TERB1: variants seen among roughly 807,000 people sequenced by gnomAD.
The protein encoded by TERB1 is telomere repeat binding bouquet formation protein 1, also known as telomere repeats-binding bouquet formation protein 1.
TERB1 carries 63 observed loss-of-function variants against 92.3 expected under a neutral mutation model. That is an observed-to-expected ratio of 0.68 (90% CI 0.56 to 0.84). The LOEUF (loss-of-function observed/expected upper bound fraction) is 0.84, where lower values mean the gene tolerates loss of function less well. TERB1 is among the 40% of genes least tolerant of loss of function. TERB1 has a pLI of 0.00. For missense variants in TERB1, 709 were observed against 843.7 expected, an observed-to-expected ratio of 0.84 and a Z score of 1.98; for synonymous variants, 252 against 283.9, an observed-to-expected ratio of 0.89 and a Z score of 1.13.
intron 10 of TERB1, among the ~76,000 whole-genome samples, chr16:66,778,084 A>G (rs2018578015): frequency 6.6e-6 from 1 of 152,052 alleles, no homozygotes; most frequent in South Asian, 2.1e-4. Flanking sequence ...CTTACTCTTC[A>G]GTGTTTGCGC....
chr16:66,763,244 TA>T (rs2018282617), intron 16 of TERB1, among the ~76,000 whole-genome samples: 1 of 152,128 alleles, frequency 6.6e-6, no homozygotes, highest in Non-Finnish European at 1.5e-5. Context: ...TAGCTGGAAC[TA>T]CAGACACACG....
intron 12 of TERB1, among the ~76,000 whole-genome samples, chr16:66,774,704 A>G: frequency 7.2e-6 from 1 of 139,668 alleles, no homozygotes. Flanking sequence ...TTTTTTTGAG[A>G]CAGGGTCTCA....
At chr16:66,769,664 G>A (rs1451649176) in intron 14 of TERB1, among the ~76,000 whole-genome samples, 1 of 152,144 alleles carries the variant, frequency 6.6e-6, no homozygotes, top group Non-Finnish European at 1.5e-5. Context: ...TTTATTTTCT[G>A]AGTATCCTTT....
Position 66,755,162 on chromosome 16 carries a change from T to A in TERB1, c.1998A>T (p.Lys666Asn). 1 of 1,495,342 alleles carries A rather than the reference T, an allele frequency of 6.7e-7. No individual in the cohort carries two copies. Among genetic ancestry groups the A allele is most frequent in the East Asian group, 2.5e-5 (1 of 40,648 alleles). The allele number at this position is 1,495,342 out of a possible 1,614,324, so 92.6% of individuals were successfully genotyped here. ...SNESTTPGGI[K>N]KRRIRKNFTE... ...TAAAGTTTTTGCGAATTCTTCTTTT[T>A]TCTATAATTAGAATTGTAGAATATA... Residue 666 changes from lysine (K) to asparagine (N), a missense_variant and splice_region_variant, in exon 19 of 19, where the codon AAA becomes AAT. Transcript: ENST00000433154.
chr16:66,769,109 AAAAAAG>A (rs1171378947), intron 14 of TERB1, among the ~76,000 whole-genome samples: 2 of 152,042 alleles, frequency 1.3e-5, no homozygotes, highest in East Asian at 1.9e-4. Context: ...TTCTCAAAAA[AAAAAAG>A]AAAAAGAAAA....
intron 2 of TERB1, among the ~76,000 whole-genome samples, chr16:66,799,648 G>C (rs764750109): frequency 2.6e-5 from 4 of 152,138 alleles, no homozygotes; most frequent in Non-Finnish European, 1.5e-5. Context: ...TGCACAAAAA[G>C]AGTTTGCCAA....
intron 6 of TERB1, 129 bp from the exon 7 acceptor site, chr16:66,786,414 G>C (rs564660580): frequency 1.6e-6 from 1 of 633,444 alleles, no homozygotes; most frequent in African/African-American, 1.8e-5. Flanking sequence ...GTATAACATA[G>C]AATTACGGTG....
At chr16:66,768,775 G>C (rs2018393063) in intron 14 of TERB1, among the ~76,000 whole-genome samples, 3 of 152,166 alleles carry the variant, frequency 2.0e-5, no homozygotes, top group Non-Finnish European at 4.4e-5. Context: ...ATTTCAAAGA[G>C]ATGAAAATAT....
intron 16 of TERB1, among the ~76,000 whole-genome samples, chr16:66,763,221 T>C (rs2018281994): frequency 6.6e-6 from 1 of 152,014 alleles, no homozygotes; most frequent in African/African-American, 2.4e-5. Flanking sequence ...TCCTCCCACC[T>C]CAGCCTCCCA....
upstream of TERB1, among the ~76,000 whole-genome samples, chr16:66,801,933 C>G (rs894272688): frequency 6.6e-6 from 1 of 152,204 alleles, no homozygotes; most frequent in Non-Finnish European, 1.5e-5. Context: ...GTGTGTTCTC[C>G]CTTTTGTTGG....
At position 66,786,205 on chromosome 16, in the gene TERB1, A is replaced by T; in HGVS notation, c.461+20T>A. ...CCTAAGTAATGAATAATTAACAAAAAGAAATTTGTATTTGTTTACCTGAAT... is the reference window on the plus strand; with the variant it reads ...CCTAAGTAATGAATAATTAACAAAATGAAATTTGTATTTGTTTACCTGAAT... On this transcript the variant is annotated intron_variant, in intron 7 of 18. Transcript: ENST00000433154. 1 of 1,542,632 alleles carries T rather than the reference A, an allele frequency of 6.5e-7. No homozygotes were observed. The highest frequency in any genetic ancestry group is 8.8e-7 in the Non-Finnish European group (1 of 1,140,934).
chr16:66,794,351 C>T (rs889425715), intron 3 of TERB1, among the ~76,000 whole-genome samples: 7 of 152,186 alleles, frequency 4.6e-5, no homozygotes, highest in Admixed American at 2.0e-4. Context: ...CCTCCCACCT[C>T]GGCCTCCCAA....
rs1317131794 is a variant in TERB1 at position 66,785,852 on chromosome 16, T to G, written c.634A>C (p.Asn212His). The G allele has an allele frequency of 6.5e-7, 1 of 1,549,544 alleles. No individual in the cohort carries two copies. The highest frequency in any genetic ancestry group is 8.7e-7 in the Non-Finnish European group (1 of 1,146,070). Reference sequence around the variant, plus strand: ...CGAATTATCTCAGGTGTCGTGCAATTTTTTAGCCATTCATTAGCATGTGGA... The same window carrying G: ...CGAATTATCTCAGGTGTCGTGCAATGTTTTAGCCATTCATTAGCATGTGGA... ...LFPHANEWLK[N>H]CTTPEIIRPI... The change falls in exon 9 of 19, where the codon AAT becomes CAT. Residue 212 changes from asparagine (N) to histidine (H), a missense_variant. Coordinates refer to ENST00000433154, the MANE Select transcript of TERB1 (RefSeq NM_001136505.2).
At chr16:66,801,595 C>CCCG (rs1959308575), upstream of TERB1, 1 of 152,254 alleles carries the variant, frequency 6.6e-6, no homozygotes, top group Non-Finnish European at 1.5e-5. Flanking sequence ...GACAGGGTTT[C>CCCG]CCGCCCAGCC....
rs984098347 is a variant in TERB1 at position 66,770,445 on chromosome 16, A to G, written c.1273-136T>C. On this transcript the variant is annotated intron_variant, in intron 13 of 18. Transcript: ENST00000433154. ...GAACATATATGATAAAAGGCAGTTTACATTAGGAAGAAAAGGGAGTTTATT... is the reference window on the plus strand; with the variant it reads ...GAACATATATGATAAAAGGCAGTTTGCATTAGGAAGAAAAGGGAGTTTATT... The G allele has an allele frequency of 1.1e-5, 7 of 628,316 alleles. No homozygotes were observed. In the South Asian group the frequency reaches 1.6e-4, roughly 15 times the overall value. The allele number at this position is 628,316 out of a possible 1,614,324, so 38.9% of individuals were successfully genotyped here.
chr16:66,787,754 T>C (rs2018752894), intron 6 of TERB1, among the ~76,000 whole-genome samples: 1 of 152,236 alleles, frequency 6.6e-6, no homozygotes, highest in Non-Finnish European at 1.5e-5. Context: ...ATTAAATACA[T>C]GCTAATAACC....
rs2018333047 is a variant in TERB1, at chr16:66,765,847, G to GTTT, written c.1780+1567_1780+1568insAAA. 7.5e-5 allele frequency among the ~76,000 whole-genome samples: 8 copies of GTTT among 106,634 alleles called. No individual in the cohort carries two copies. In the South Asian group the frequency reaches 9.6e-4, roughly 13 times the overall value. 70.0% of individuals were successfully genotyped at this position (106,634 alleles called of 152,430 possible). ...GATAGCAAATCAAACAAACTATTGG[G>GTTT]TATTTTTTTTTTTTTTTTTTTTTTT... On this transcript the variant is annotated intron_variant, in intron 16 of 18. Coordinates refer to ENST00000433154, the MANE Select transcript of TERB1 (RefSeq NM_001136505.2).
Position 66,759,250 on chromosome 16 carries a change from A to C in TERB1, c.1821T>G (p.Phe607Leu). Residue 607 changes from phenylalanine to leucine, a missense_variant, in exon 17 of 19, where the codon TTT (phenylalanine) becomes TTG (leucine). Coordinates refer to ENST00000433154, the MANE Select transcript of TERB1 (RefSeq NM_001136505.2). ...ATGGGCAAGAGTGCAAGAGCTTGCT[A>C]AAGTTTCGGCTATTCAGGGATTTTT... ...AVEKSLNSRN[F>L]SKLLHSCPYQ... 3 of 1,546,220 alleles carry C rather than the reference A, an allele frequency of 1.9e-6. No homozygotes were observed. Among genetic ancestry groups the C allele is most frequent in the Non-Finnish European group, 2.6e-6 (3 of 1,145,776 alleles).
intron 9 of TERB1, among the ~76,000 whole-genome samples, chr16:66,779,356 G>T (rs531573246): frequency 2.0e-5 from 3 of 152,182 alleles, no homozygotes; most frequent in African/African-American, 7.2e-5. Flanking sequence ...CCAGCACTTT[G>T]GGAGGCTGAG....
Sources: allele counts gnomAD v4.1 joint callset (sites outside exome capture counted in the v4.1 genomes callset), GRCh38; gene constraint gnomAD v4.1.1; transcripts MANE v1.5; gene names NCBI Gene and HGNC (gene_info 2026-07-23, HGNC 2026-07-21).